PACC1: variants seen among roughly 807,000 people sequenced by gnomAD.
PACC1 encodes the protein proton activated chloride channel 1, also known as proton-activated chloride channel.
PACC1 carries 34 observed loss-of-function variants against 39.7 expected under a neutral mutation model. That is an observed-to-expected ratio of 0.86 (90% CI 0.65 to 1.14). The LOEUF (loss-of-function observed/expected upper bound fraction) is 1.14, where lower values mean the gene tolerates loss of function less well. Ranked by LOEUF, PACC1 falls within the 50% of genes most tolerant of loss-of-function variation. The pLI is 0.00. For missense variants in PACC1, 379 were observed against 436.4 expected (o/e 0.87, Z 1.17); for synonymous variants, 127 against 160.6 (o/e 0.79, Z 1.58).
rs186258776 is a variant in PACC1, at chr1:212,367,882, C to T, written c.892-2506G>A. Among the ~76,000 whole-genome samples, 11 of 152,262 alleles carry T rather than the reference C, an allele frequency of 7.2e-5. 1 individual carries two copies. Among genetic ancestry groups the T allele is most frequent in the African/African-American group, 2.2e-4 (9 of 41,552 alleles). On this transcript the variant is annotated intron_variant, in intron 7 of 7. Coordinates refer to ENST00000261455, the MANE Select transcript of PACC1 (RefSeq NM_018252.3). ...CCACCCTAGCAGGATGGACCCAAACCCCAGCCAGCTTCACCACTGGCTGAC... is the reference window on the plus strand; with the variant it reads ...CCACCCTAGCAGGATGGACCCAAACTCCAGCCAGCTTCACCACTGGCTGAC...
At chr1:212,398,464 C>A (rs914931425) in intron 2 of PACC1, among the ~76,000 whole-genome samples, 2 of 152,180 alleles carry the variant, frequency 1.3e-5, no homozygotes, top group African/African-American at 4.8e-5. Flanking sequence ...TCACTTTACA[C>A]AGAAATGCAA....
intron 2 of PACC1, among the ~76,000 whole-genome samples, chr1:212,395,137 T>C (rs1449190495): frequency 6.6e-6 from 1 of 152,196 alleles, no homozygotes; most frequent in Non-Finnish European, 1.5e-5. Flanking sequence ...AAGTCAATCC[T>C]AAGCCAAAAG....
chr1:212,381,686 A>ACACACAC (rs1168201328), intron 4 of PACC1, among the ~76,000 whole-genome samples: 2 of 95,364 alleles, frequency 2.1e-5, no homozygotes, highest in Non-Finnish European at 5.1e-5. Flanking sequence ...AGACACACAC[A>ACACACAC]CACACACTGC....
intron 4 of PACC1, among the ~76,000 whole-genome samples, chr1:212,382,564 A>C (rs1050919300): frequency 6.6e-6 from 1 of 152,250 alleles, no homozygotes; most frequent in African/African-American, 2.4e-5. Context: ...AAGATTTTAC[A>C]AATACAACAG....
intron 2 of PACC1, among the ~76,000 whole-genome samples, chr1:212,401,126 T>G (rs987116237): frequency 6.6e-6 from 1 of 152,192 alleles, no homozygotes. Flanking sequence ...ATTCAGCAGT[T>G]TTTTGTATAT....
At chr1:212,380,075 G>A (rs750441168) in intron 4 of PACC1, 38 bp from the exon 5 acceptor site, 2 of 1,605,658 alleles carry the variant, frequency 1.2e-6, no homozygotes. Context: ...AGTCCTGGGA[G>A]AGTACACAGA....
Position 212,365,025 on chromosome 1 carries a change from G to T in PACC1, c.*190C>A. ...AAATAACTTGTAGGTTTATCCATTA[G>T]TCTCTTCTATTAGGCTCTACACCGC... On this transcript the variant is annotated 3_prime_UTR_variant, in exon 8 of 8. Coordinates refer to ENST00000261455, the MANE Select transcript of PACC1 (RefSeq NM_018252.3). The T allele has an allele frequency of 2.4e-6, 1 of 415,652 alleles. No homozygotes were observed. Among genetic ancestry groups the T allele is most frequent in the Admixed American group, 4.2e-5 (1 of 23,640 alleles). 25.7% of individuals were successfully genotyped at this position (415,652 alleles called of 1,614,324 possible).
At chr1:212,379,252 TTAA>T (rs1660787600) in intron 5 of PACC1, among the ~76,000 whole-genome samples, 1 of 152,216 alleles carries the variant, frequency 6.6e-6, no homozygotes, top group Admixed American at 6.5e-5. Flanking sequence ...CATGATTTTC[TTAA>T]TAACATTTTT....
At chr1:212,405,861 G>A (rs1460042578) in intron 2 of PACC1, among the ~76,000 whole-genome samples, 2 of 152,042 alleles carry the variant, frequency 1.3e-5, no homozygotes, top group African/African-American at 2.4e-5. Flanking sequence ...AGCCCTATAG[G>A]CTCAGAGCAA....
chr1:212,395,016 G>A (rs1282616816), intron 2 of PACC1, among the ~76,000 whole-genome samples: 1 of 152,104 alleles, frequency 6.6e-6, no homozygotes, highest in Non-Finnish European at 1.5e-5. Context: ...ACTGCCCAAG[G>A]TAATTTATAG....
chr1:212,414,804 G>A lies in PACC1; in HGVS notation c.-47C>T, dbSNP rs930808484. 3.1e-6 allele frequency: 5 copies of A among 1,607,200 alleles called. No homozygotes were observed. The highest frequency in any genetic ancestry group is 4.3e-6 in the Non-Finnish European group (5 of 1,174,712). On this transcript the variant is annotated 5_prime_UTR_variant, in exon 1 of 8. Coordinates refer to ENST00000261455, the MANE Select transcript of PACC1 (RefSeq NM_018252.3). ...ACACCTGAGACCGCCCCAGCCCGCG[G>A]CGCACGGACGCAGCACTGCGGCCGC... is the stretch of plus-strand genomic sequence containing the variant.
At chr1:212,407,713 T>C (rs1412530968) in intron 2 of PACC1, among the ~76,000 whole-genome samples, 6 of 152,222 alleles carry the variant, frequency 3.9e-5, no homozygotes, top group Non-Finnish European at 7.3e-5. Flanking sequence ...ACTCCTGGCC[T>C]CAAGAGATCC....
At chr1:212,389,127 T>A (rs1471415165) in intron 2 of PACC1, among the ~76,000 whole-genome samples, 1 of 152,374 alleles carries the variant, frequency 6.6e-6, no homozygotes. Flanking sequence ...GTGAGATTTA[T>A]ACATCTGTAG....
chr1:212,405,492 AG>A (rs1661875795), intron 2 of PACC1, among the ~76,000 whole-genome samples: 1 of 148,744 alleles, frequency 6.7e-6, no homozygotes, highest in South Asian at 2.1e-4. Flanking sequence ...AAGGCTCAGA[AG>A]GAGGGACAAG....
intron 5 of PACC1, 53 bp from the exon 6 acceptor site, chr1:212,377,759 G>A: frequency 6.3e-7 from 1 of 1,598,644 alleles, no homozygotes; most frequent in South Asian, 1.1e-5. Context: ...TCTGGCAGCA[G>A]GAGTCGAAGC....
Position 212,385,346 on chromosome 1 carries a change from A to G in PACC1, c.423T>C (p.Pro141=). 6.2e-7 allele frequency: 1 copy of G among 1,614,112 alleles called. No homozygotes were observed. Among genetic ancestry groups the G allele is most frequent in the Non-Finnish European group, 8.5e-7 (1 of 1,180,000 alleles). The change falls in exon 4 of 8, where the codon CCT becomes CCC. Residue 141 remains proline (P), a synonymous_variant. Coordinates refer to ENST00000261455, the MANE Select transcript of PACC1 (RefSeq NM_018252.3). ...HYEVIPPLTS[P]GQPGDMNCTT... ...TGCAATTCATGTCACCCGGCTGGCC[A>G]GGGCTTGTCAGAGGAGGAATGACCT...
At chr1:212,366,538 G>A (rs1660252897) in intron 7 of PACC1, among the ~76,000 whole-genome samples, 1 of 151,812 alleles carries the variant, frequency 6.6e-6, no homozygotes, top group Non-Finnish European at 1.5e-5. Flanking sequence ...ATGACCTCGT[G>A]ATCCGCCTGC....
At chr1:212,414,658 C>T in intron 1 of PACC1, 64 bp downstream of exon 1, 1 of 1,599,490 alleles carries the variant, frequency 6.3e-7, no homozygotes. Flanking sequence ...CCCGCATCCG[C>T]CCAGGCCCCC....
intron 7 of PACC1, among the ~76,000 whole-genome samples, chr1:212,371,080 A>G (rs1660433958): frequency 6.6e-6 from 1 of 152,024 alleles, no homozygotes; most frequent in Admixed American, 6.5e-5. Context: ...ACCCATCTCT[A>G]CTAAAAATAC....
Sources: allele counts gnomAD v4.1 joint callset (sites outside exome capture counted in the v4.1 genomes callset), GRCh38; gene constraint gnomAD v4.1.1; transcripts MANE v1.5; gene names NCBI Gene and HGNC (gene_info 2026-07-23, HGNC 2026-07-21).